Variants in ZNF717 observed in about 807,000 individuals in gnomAD.
ZNF717 encodes the protein zinc finger protein 717.
Under a neutral mutation model 13.8 loss-of-function variants are expected in ZNF717, and 9 were observed. That is an observed-to-expected ratio of 0.65 (90% confidence interval 0.39 to 1.14). ZNF717 has a LOEUF of 1.14. ZNF717 is among the 50% of genes most tolerant of loss of function. The pLI is 0.01. For missense variants in ZNF717, 1,040 were observed against 1,080.7 expected (o/e 0.96, Z 0.53); for synonymous variants, 327 against 364.1 (o/e 0.90, Z 1.16).
chr3:75,763,519 G>C (rs1165579687), intron 2 of ZNF717, among the ~76,000 whole-genome samples: 1 of 152,162 alleles, frequency 6.6e-6, no homozygotes, highest in African/African-American at 2.4e-5. Flanking sequence ...TCCAGAATAC[G>C]TAAAGAACTC....
At chr3:75,732,934 TA>T (rs112938231), downstream of ZNF717, among the ~76,000 whole-genome samples, 2 of 147,360 alleles carry the variant, frequency 1.4e-5, no homozygotes, top group Admixed American at 6.8e-5. Context: ...ACAGGGATTT[TA>T]AAAAAAAATC....
At chr3:75,780,026 C>G (rs907523850) in intron 2 of ZNF717, among the ~76,000 whole-genome samples, 4 of 148,448 alleles carry the variant, frequency 2.7e-5, no homozygotes, top group South Asian at 2.2e-4. Context: ...ATGGGAGAGA[C>G]GTGCTAAACC....
intron 6 of ZNF717, among the ~76,000 whole-genome samples, chr3:75,699,615 G>T (rs184344844): frequency 6.6e-6 from 1 of 152,294 alleles, no homozygotes; most frequent in African/African-American, 2.4e-5. Context: ...CACCTTGTCA[G>T]TTGTCAGAGG....
chr3:75,771,364 TG>T (rs1943855786), intron 2 of ZNF717, among the ~76,000 whole-genome samples: 1 of 152,142 alleles, frequency 6.6e-6, no homozygotes, highest in Non-Finnish European at 1.5e-5. Flanking sequence ...GGAGTCTCAC[TG>T]AATCTGCTGT....
exon 6 of ZNF717, chr3:75,711,043 A>C (rs961921948): frequency 6.6e-6 from 1 of 152,208 alleles, no homozygotes; most frequent in African/African-American, 2.4e-5. Flanking sequence ...GTCAGGCTGG[A>C]AGCACTGGAA....
intron 6 of ZNF717, among the ~76,000 whole-genome samples, chr3:75,703,960 A>G (rs1272016007): frequency 6.6e-6 from 1 of 152,306 alleles, no homozygotes; most frequent in African/African-American, 2.4e-5. Context: ...GCCATACAAG[A>G]CATCTTCCAC....
At chr3:75,732,951 G>A (rs541266265), downstream of ZNF717, among the ~76,000 whole-genome samples, 1 of 152,264 alleles carries the variant, frequency 6.6e-6, no homozygotes, top group South Asian at 2.1e-4. Context: ...AAATCTCTGA[G>A]TAGTATGCTA....
intron 2 of ZNF717, among the ~76,000 whole-genome samples, chr3:75,752,296 T>C (rs1293701845): frequency 1.7e-5 from 2 of 114,718 alleles, no homozygotes; most frequent in African/African-American, 6.5e-5. Context: ...AGAACACGGC[T>C]ACGAGGGTCT....
downstream of ZNF717, among the ~76,000 whole-genome samples, chr3:75,728,826 C>G (rs1338042807): frequency 6.6e-6 from 1 of 152,140 alleles, no homozygotes; most frequent in Non-Finnish European, 1.5e-5. Flanking sequence ...CAGACTGATA[C>G]AGTCATTCAT....
intron 2 of ZNF717, among the ~76,000 whole-genome samples, chr3:75,772,736 C>G (rs1943998584): frequency 6.6e-6 from 1 of 152,250 alleles, no homozygotes; most frequent in Non-Finnish European, 1.5e-5. Context: ...ATCCAGACAA[C>G]TAGCATGAGC....
downstream of ZNF717, among the ~76,000 whole-genome samples, chr3:75,725,648 C>T (rs1178543128): frequency 7.2e-5 from 11 of 152,296 alleles, no homozygotes; most frequent in Non-Finnish European, 1.2e-4. Flanking sequence ...GGAGACCTCA[C>T]AATCATGGCA....
intron 6 of ZNF717, among the ~76,000 whole-genome samples, chr3:75,703,508 A>ATG (rs1575712148): frequency 6.2e-3 from 817 of 131,560 alleles, no homozygotes; most frequent in African/African-American, 0.019. Flanking sequence ...CAGCCTGGGC[A>ATG]ACAGAGCAAG....
chr3:75,747,455 T>C (rs1186285390), intron 2 of ZNF717, among the ~76,000 whole-genome samples: 3 of 151,714 alleles, frequency 2.0e-5, no homozygotes, highest in Non-Finnish European at 4.4e-5. Context: ...TTGGGCAGTA[T>C]GGCGATTTTC....
chr3:75,780,653 G>T (rs1347578665), intron 2 of ZNF717, among the ~76,000 whole-genome samples: 3 of 152,224 alleles, frequency 2.0e-5, no homozygotes, highest in Non-Finnish European at 2.9e-5. Context: ...ACCCACCTCG[G>T]CCTCCCAAAG....
downstream of ZNF717, among the ~76,000 whole-genome samples, chr3:75,708,029 C>A (rs1425024665): frequency 6.6e-6 from 1 of 152,168 alleles, no homozygotes; most frequent in Non-Finnish European, 1.5e-5. Context: ...GGGGGCAGGG[C>A]ACAGACAAAC....
At chr3:75,777,188 A>C (rs9828295) in intron 2 of ZNF717, among the ~76,000 whole-genome samples, 6 of 80,446 alleles carry the variant, frequency 7.5e-5, no homozygotes, top group African/African-American at 3.5e-4. Flanking sequence ...TATGAGTGAC[A>C]TGCTAAACCG....
At chr3:75,748,210 CAA>C (rs1458506971) in intron 2 of ZNF717, among the ~76,000 whole-genome samples, 1 of 152,178 alleles carries the variant, frequency 6.6e-6, no homozygotes, top group African/African-American at 2.4e-5. Flanking sequence ...GCTTACCAAC[CAA>C]AAAGAGTCCA....
chr3:75,747,577 A>T (rs2918528), intron 2 of ZNF717, among the ~76,000 whole-genome samples: 126,972 of 152,150 alleles, frequency 0.83, 52,973 homozygotes, highest in East Asian at 0.89. Context: ...CTTCTTCACA[A>T]CCATTGTAAG....
chr3:75,713,983 G>C (rs1937997866), intron 5 of ZNF717, among the ~76,000 whole-genome samples: 1 of 152,118 alleles, frequency 6.6e-6, no homozygotes, highest in South Asian at 2.1e-4. Flanking sequence ...GAGACAGAGA[G>C]GAGACAGCTT....
Sources: allele counts gnomAD v4.1 joint callset (sites outside exome capture counted in the v4.1 genomes callset), GRCh38; gene constraint gnomAD v4.1.1; transcripts MANE v1.5; gene names NCBI Gene and HGNC (gene_info 2026-07-23, HGNC 2026-07-21).